PCDHA1: variants seen among roughly 807,000 people sequenced by gnomAD.
PCDHA1 encodes the protein protocadherin alpha 1.
PCDHA1 carries 42 observed loss-of-function variants against 61.3 expected under a neutral mutation model. The observed-to-expected ratio is 0.69, with a 90% CI of 0.54 to 0.89. PCDHA1 has a LOEUF of 0.89. Among genes scored for constraint, PCDHA1 ranks in the 40% least tolerant of loss-of-function variants. The pLI, the probability that PCDHA1 is intolerant of heterozygous loss-of-function variation, is 0.00. For missense variants in PCDHA1, 1,256 were observed against 1,235.3 expected (o/e 1.02, Z -0.25); for synonymous variants, 610 against 553.8 (o/e 1.10, Z -1.43).
chr5:140,869,137 C>G, intron 1 of PCDHA1: 3 of 1,613,116 alleles, frequency 1.9e-6, no homozygotes, highest in African/African-American at 1.3e-5. Context: ...ATTGGGCACC[C>G]CACGACTACA....
In PCDHA1 at chr5:140,856,320, G is replaced by T. The variant is rs2043925109; in HGVS notation, c.2394+67636G>T. 1.8e-5 allele frequency: 28 copies of T among 1,598,544 alleles called. 3 individuals carry two copies. Among genetic ancestry groups the T allele is most frequent in the Non-Finnish European group, 2.4e-5 (28 of 1,168,074 alleles). ...TTGTTTGTGAATTCTCGGATTGACC[G>T]CGAGGAGCTGTGCGGGCGGAGCGTG... On this transcript the variant is annotated intron_variant, in intron 1 of 3. Coordinates refer to ENST00000504120, the MANE Select transcript of PCDHA1 (RefSeq NM_018900.4).
intron 3 of PCDHA1, among the ~76,000 whole-genome samples, chr5:140,994,024 A>G (rs1440214596): frequency 6.6e-6 from 1 of 152,234 alleles, no homozygotes; most frequent in East Asian, 1.9e-4. Context: ...TGATGCAGAT[A>G]TAATATTAAA....
At chr5:140,934,365 A>T (rs2089794268) in intron 1 of PCDHA1, among the ~76,000 whole-genome samples, 1 of 151,884 alleles carries the variant, frequency 6.6e-6, no homozygotes, top group Non-Finnish European at 1.5e-5. Context: ...CACTGCTTTG[A>T]CTCCTTCTGT....
intron 1 of PCDHA1, chr5:140,803,351 T>C (rs1554122748): frequency 4.3e-6 from 7 of 1,614,186 alleles, no homozygotes; most frequent in Admixed American, 1.7e-5. Flanking sequence ...TGCTGCTATA[T>C]ACTGCTCTGC....
intron 3 of PCDHA1, among the ~76,000 whole-genome samples, chr5:141,005,619 G>A (rs996010701): frequency 6.8e-5 from 10 of 146,082 alleles, no homozygotes; most frequent in South Asian, 2.2e-4. Flanking sequence ...GGAGAATGGC[G>A]TGAACCCGGG....
chr5:140,845,731 C>A (rs1420659203), intron 1 of PCDHA1, among the ~76,000 whole-genome samples: 1 of 149,400 alleles, frequency 6.7e-6, no homozygotes, highest in Non-Finnish European at 1.5e-5. Context: ...AATGTGAATT[C>A]TACTTTATAG....
At chr5:140,871,321 T>A in intron 1 of PCDHA1, 2 of 1,614,066 alleles carry the variant, frequency 1.2e-6, no homozygotes, top group Non-Finnish European at 1.7e-6. Flanking sequence ...CACGCTGGTG[T>A]GCTCCCGCGC....
chr5:140,875,803 G>C (rs370212231), intron 1 of PCDHA1: 17 of 1,614,218 alleles, frequency 1.1e-5, no homozygotes, highest in Non-Finnish European at 1.4e-5. Context: ...GGTGATCGTG[G>C]ACAGGCCGCT....
At chr5:140,931,260 T>G (rs576177407) in intron 1 of PCDHA1, among the ~76,000 whole-genome samples, 1 of 152,156 alleles carries the variant, frequency 6.6e-6, no homozygotes, top group South Asian at 2.1e-4. Context: ...GAAATTTCAC[T>G]ATTTATTTCT....
intron 1 of PCDHA1, chr5:140,841,795 C>T (rs2150322842): frequency 6.2e-7 from 1 of 1,613,824 alleles, no homozygotes; most frequent in Non-Finnish European, 8.5e-7. Context: ...AGGGCGCGTC[C>T]GATGCAGATG....
chr5:140,801,209 C>G (rs782414037), intron 1 of PCDHA1: 1 of 1,604,234 alleles, frequency 6.2e-7, no homozygotes, highest in East Asian at 2.2e-5. Flanking sequence ...TGTTGTTCTC[C>G]TGGCGAGAAG....
rs1421975943 is a variant in PCDHA1 at position 140,853,700 on chromosome 5, G to A, written c.2394+65016G>A. 8.1e-6 allele frequency: 8 copies of A among 987,678 alleles called. 1 individual carries two copies. Among genetic ancestry groups the A allele is most frequent in the Admixed American group, 6.3e-5 (1 of 15,866 alleles). The allele number at this position is 987,678 out of a possible 1,614,324, so 61.2% of individuals were successfully genotyped here. The stretch of plus-strand genomic sequence containing the variant: ...TCAACCTATCCTTAGACCTGCTAAC[G>A]CATTAGCATTAGCAGCACCTAAGTC... On this transcript the variant is annotated intron_variant, in intron 1 of 3. Coordinates refer to ENST00000504120, the MANE Select transcript of PCDHA1 (RefSeq NM_018900.4).
chr5:140,806,806 TA>T, intron 1 of PCDHA1: 1 of 215,384 alleles, frequency 4.6e-6, no homozygotes, highest in Non-Finnish European at 9.3e-6. Flanking sequence ...TCTACTGAAG[TA>T]AAAGTTGCCC....
At chr5:140,942,351 G>A (rs893015832) in intron 1 of PCDHA1, among the ~76,000 whole-genome samples, 1 of 152,024 alleles carries the variant, frequency 6.6e-6, no homozygotes, top group Admixed American at 6.6e-5. Flanking sequence ...GGCGGAGGTT[G>A]CAGTTAACGG....
chr5:140,882,996 A>G lies in PCDHA1; in HGVS notation c.2394+94312A>G, dbSNP rs782381110. On this transcript the variant is annotated intron_variant, in intron 1 of 3. Transcript: ENST00000504120. The stretch of plus-strand genomic sequence containing the variant: ...GTGAATGACAACGCCCCGGAATTTT[A>G]CCAATCCGTTTATAAAGTGACGGTG... 2.9e-5 allele frequency: 46 copies of G among 1,614,024 alleles called. No individual in the cohort carries two copies. The Middle Eastern group carries it at 4.9e-4, about 17-fold the overall frequency.
chr5:140,822,948 C>T (rs145265581), intron 1 of PCDHA1: 5 of 1,614,074 alleles, frequency 3.1e-6, no homozygotes, highest in Admixed American at 3.3e-5. Flanking sequence ...TAATGCCCCA[C>T]GTTCCCTTCA....
At chr5:140,803,433 G>A (rs369373965) in intron 1 of PCDHA1, 3 of 1,614,098 alleles carry the variant, frequency 1.9e-6, no homozygotes, top group Non-Finnish European at 2.5e-6. Flanking sequence ...CAGCGCGGTG[G>A]GGAGCTGGTC....
At position 140,951,793 on chromosome 5, in the gene PCDHA1, C is replaced by T. The variant is rs536005204; in HGVS notation, c.2395-27156C>T. 5.3e-5 allele frequency among the ~76,000 whole-genome samples: 8 copies of T among 152,244 alleles called. No homozygotes were observed. The South Asian group carries it at 1.7e-3, about 32-fold the overall frequency. On this transcript the variant is annotated intron_variant, in intron 1 of 3. Coordinates refer to ENST00000504120, the MANE Select transcript of PCDHA1 (RefSeq NM_018900.4). ...TTCTTACATTGCAAAATACAATTAT[C>T]CCTTCCCAATGGTCCCTCAAAGTCT...
At chr5:140,953,118 A>G (rs2094850559) in intron 1 of PCDHA1, among the ~76,000 whole-genome samples, 1 of 152,162 alleles carries the variant, frequency 6.6e-6, no homozygotes, top group Non-Finnish European at 1.5e-5. Context: ...AGGGACACAG[A>G]TCTAAACCGT....
Sources: gnomAD v4.1 joint callset for allele counts (sites outside exome capture counted in the v4.1 genomes callset) on GRCh38, gnomAD v4.1.1 for gene constraint, MANE v1.5 for transcripts, NCBI Gene and HGNC (gene_info 2026-07-23, HGNC 2026-07-21) for gene names.